Variants in COL9A3 observed in about 807,000 individuals in gnomAD.
COL9A3 encodes the protein collagen type IX alpha 3 chain.
COL9A3 carries 82 observed loss-of-function variants against 110.2 expected under a neutral mutation model. The ratio of observed to expected loss-of-function variants is 0.74; its 90% CI spans 0.62 to 0.89. The LOEUF (loss-of-function observed/expected upper bound fraction) is 0.89. Ranked by LOEUF, COL9A3 falls within the 40% of genes least tolerant of loss-of-function variation. The pLI, the probability that COL9A3 is intolerant of heterozygous loss-of-function variation, is 0.00. For missense variants in COL9A3, 1,066 were observed against 981.3 expected, an observed-to-expected ratio of 1.09 and a Z score of -1.15; for synonymous variants, 494 against 403.8, an observed-to-expected ratio of 1.22 and a Z score of -2.68.
At position 62,837,612 on chromosome 20, in the gene COL9A3, G is replaced by T. The variant is rs546031810; in HGVS notation, c.1786+347G>T. 8.6e-5 allele frequency among the ~76,000 whole-genome samples: 13 copies of T among 151,470 alleles called. No homozygotes were observed. In the East Asian group the frequency reaches 2.1e-3, roughly 25 times the overall value. ...TCACGAGGTCGGGAGTTCAAGACCAGCCTGACCAACATGGTGAAACCCTGT... is the reference window on the plus strand; with the variant it reads ...TCACGAGGTCGGGAGTTCAAGACCATCCTGACCAACATGGTGAAACCCTGT... On this transcript the variant is annotated intron_variant, in intron 30 of 31. Transcript: ENST00000649368.
chr20:62,820,785 G>A (rs183693191), intron 5 of COL9A3, among the ~76,000 whole-genome samples: 1 of 152,166 alleles, frequency 6.6e-6, no homozygotes, highest in Non-Finnish European at 1.5e-5. Context: ...GGCCCAGAGG[G>A]TGTGGAGGGC....
chr20:62,832,249 G>C, intron 25 of COL9A3, 60 bp downstream of exon 25: 1 of 1,547,084 alleles, frequency 6.5e-7, no homozygotes, highest in Admixed American at 1.7e-5. Context: ...GCTTCTCCCA[G>C]GCTCCTCCTG....
chr20:62,840,555 G>A lies in COL9A3; in HGVS notation c.1878G>A (p.Val626=), dbSNP rs771625647. 6.2e-6 allele frequency: 10 copies of A among 1,612,048 alleles called. No individual in the cohort carries two copies. The Admixed American group carries it at 1.3e-4, about 21-fold the overall frequency. Reference sequence around the variant, plus strand: ...CTCTGTCCCAAGGACCCCAAGGCGTGCCCGGCACCAGCAAGGACGGCCAGG... The same window carrying A: ...CTCTGTCCCAAGGACCCCAAGGCGTACCCGGCACCAGCAAGGACGGCCAGG... ...GDQGPQGPQG[V]PGTSKDGQDG... The change falls in exon 32 of 32, where the codon GTG becomes GTA. Residue 626 remains valine, a synonymous_variant. Coordinates refer to ENST00000649368, the MANE Select transcript of COL9A3 (RefSeq NM_001853.4).
At chr20:62,817,348 G>GCCT (rs1274454531) in intron 1 of COL9A3, 1 of 485,608 alleles carries the variant, frequency 2.1e-6, no homozygotes, top group Non-Finnish European at 3.5e-6. Flanking sequence ...CGGCGCCGCC[G>GCCT]CCTCCTCTGG....
rs780941765 is a variant in COL9A3 at position 62,817,071 on chromosome 20, G to C, written c.7G>C (p.Gly3Arg). ...GCTCAGACTCCGCTCAGCCATGGCC[G>C]GGCCGCGCGCGTGCGCCCCGCTCCT... MAGPRACAPLLLL... is the reference protein window; with the variant it reads MARPRACAPLLLL... Residue 3 changes from glycine to arginine, a missense_variant, in exon 1 of 32, where the codon GGG (glycine) becomes CGG (arginine). Gly to Arg is a moderately radical substitution (Grantham distance 125). Coordinates refer to ENST00000649368, the MANE Select transcript of COL9A3 (RefSeq NM_001853.4). The C allele has an allele frequency of 2.4e-5, 33 of 1,378,674 alleles. No homozygotes were observed. The highest frequency in any genetic ancestry group is 7.6e-5 in the African/African-American group (5 of 65,964). The allele number at this position is 1,378,674 out of a possible 1,614,324, so 85.4% of individuals were successfully genotyped here.
In COL9A3 at chr20:62,817,050, A is replaced by T; in HGVS notation, c.-15A>T. The T allele has an allele frequency of 7.6e-7, 1 of 1,319,986 alleles. No individual in the cohort carries two copies. Among genetic ancestry groups the T allele is most frequent in the Non-Finnish European group, 9.7e-7 (1 of 1,028,434 alleles). 81.8% of individuals were successfully genotyped at this position (1,319,986 alleles called of 1,614,324 possible). ...GCCGCCCGCCCCGACGCCGCAGCTC[A>T]GACTCCGCTCAGCCATGGCCGGGCC... On this transcript the variant is annotated 5_prime_UTR_variant, in exon 1 of 32. Transcript: ENST00000649368.
At chr20:62,836,016 C>T (rs771943181) in intron 27 of COL9A3, 63 bp downstream of exon 27, 32 of 1,608,510 alleles carry the variant, frequency 2.0e-5, no homozygotes, top group Non-Finnish European at 2.5e-5. Flanking sequence ...TCCTGCCCAC[C>T]TCTGGGCAAC....
At chr20:62,832,261 C>T in intron 25 of COL9A3, 72 bp downstream of exon 25, 1 of 1,493,320 alleles carries the variant, frequency 6.7e-7, no homozygotes, top group Non-Finnish European at 9.3e-7. Context: ...CTCCTCCTGT[C>T]CCGGCTCTGG....
In COL9A3 at chr20:62,833,313, C is replaced by T. The variant is rs548755514; in HGVS notation, c.1368+249C>T. Among the ~76,000 whole-genome samples, 3 of 152,364 alleles carry T rather than the reference C, an allele frequency of 2.0e-5. No individual in the cohort carries two copies. The East Asian group carries it at 5.8e-4, about 29-fold the overall frequency. On this transcript the variant is annotated intron_variant, in intron 26 of 31. Coordinates refer to ENST00000649368, the MANE Select transcript of COL9A3 (RefSeq NM_001853.4). ...AGTCTGACCTGACCCGGTGCTCAGA[C>T]GTGTGGGCTCCCGCACTCTGCCCCG... is the stretch of plus-strand genomic sequence containing the variant.
intron 3 of COL9A3, 111 bp downstream of exon 3, chr20:62,818,664 C>T: frequency 1.7e-6 from 2 of 1,208,184 alleles, no homozygotes; most frequent in Middle Eastern, 1.9e-4. Flanking sequence ...GCCCGGGTTG[C>T]CTGAGGGGAG....
intron 14 of COL9A3, 125 bp from the exon 15 acceptor site, chr20:62,826,642 G>A: frequency 3.9e-6 from 4 of 1,023,174 alleles, no homozygotes; most frequent in Non-Finnish European, 6.0e-6. Flanking sequence ...TGGCATCTTG[G>A]GGGAACTTGC....
chr20:62,831,707 C>T (rs1433519207), intron 24 of COL9A3: 1 of 200,208 alleles, frequency 5.0e-6, no homozygotes, highest in Non-Finnish European at 1.0e-5. Context: ...TCCTGCTTTT[C>T]TGCCCTTTGG....
In COL9A3 at chr20:62,837,257, G is replaced by A. The variant is rs1437503479; in HGVS notation, c.1778G>A (p.Gly593Glu). ...RGPTGELGDP[G>E]PRGNQGDRGD... Reference sequence around the variant, plus strand: ...CCCACTGGGGAGCTGGGAGACCCCGGGCCCAGAGGTGAGTGTTTGACCCCA... The same window carrying A: ...CCCACTGGGGAGCTGGGAGACCCCGAGCCCAGAGGTGAGTGTTTGACCCCA... Residue 593 changes from glycine (G) to glutamate (E), a missense_variant, in exon 30 of 32, where the codon GGG becomes GAG. Coordinates refer to ENST00000649368, the MANE Select transcript of COL9A3 (RefSeq NM_001853.4). 6.2e-7 allele frequency: 1 copy of A among 1,610,272 alleles called. No homozygotes were observed. The highest frequency in any genetic ancestry group is 1.7e-4 in the Middle Eastern group (1 of 6,060).
intron 30 of COL9A3, among the ~76,000 whole-genome samples, 154 bp from the exon 31 acceptor site, chr20:62,838,530 C>T (rs1315252744): frequency 6.6e-6 from 1 of 152,250 alleles, no homozygotes; most frequent in African/African-American, 2.4e-5. Flanking sequence ...CGGACCCCGT[C>T]AAGCCCTACG....
chr20:62,828,599 C>T (rs1301061630), intron 17 of COL9A3, among the ~76,000 whole-genome samples, 165 bp from the exon 18 acceptor site: 1 of 152,270 alleles, frequency 6.6e-6, no homozygotes, highest in Non-Finnish European at 1.5e-5. Flanking sequence ...CGAGGCAGCA[C>T]TGGTTGCCAC....
Position 62,840,616 on chromosome 20 carries a change from C to T in COL9A3, c.1939C>T (p.Pro647Ser). Residue 647 changes from proline (P) to serine (S), a missense_variant, in exon 32 of 32, where the codon CCT becomes TCT. Pro to Ser is a moderately conservative substitution (Grantham distance 74). Transcript: ENST00000649368. ...CGGCGAGCCTGGGCCTCCCGGAGAT[C>T]CTGGGCTTCCAGGTGCCATTGGGGC... ...APGEPGPPGD[P>S]GLPGAIGAQG... 2 of 1,613,302 alleles carry T rather than the reference C, an allele frequency of 1.2e-6. No homozygotes were observed. The highest frequency in any genetic ancestry group is 1.7e-4 in the Middle Eastern group (1 of 5,988).
chr20:62,828,713 G>A (rs773002381), intron 17 of COL9A3, 51 bp from the exon 18 acceptor site: 1 of 1,599,452 alleles, frequency 6.3e-7, no homozygotes, highest in Non-Finnish European at 8.6e-7. Context: ...GACTGTAGAG[G>A]GAGGGAGGGG....
At chr20:62,816,564 G>T (rs1445853464), upstream of COL9A3, among the ~76,000 whole-genome samples, 3 of 152,164 alleles carry the variant, frequency 2.0e-5, no homozygotes, top group Non-Finnish European at 4.4e-5. Flanking sequence ...CCAGGGCTGC[G>T]CTGGGCACTG....
At chr20:62,837,375 T>TGAG in intron 30 of COL9A3, 110 bp downstream of exon 30, 1 of 1,206,450 alleles carries the variant, frequency 8.3e-7, no homozygotes, top group Non-Finnish European at 1.2e-6. Flanking sequence ...GGGTAACCCC[T>TGAG]GGAACGTGGG....
Sources: allele counts gnomAD v4.1 joint callset (sites outside exome capture counted in the v4.1 genomes callset), GRCh38; gene constraint gnomAD v4.1.1; transcripts MANE v1.5; gene names NCBI Gene and HGNC (gene_info 2026-07-23, HGNC 2026-07-21).